Variants in IQSEC1 observed in about 807,000 individuals in gnomAD.
IQSEC1 encodes IQ motif and SEC7 domain-containing protein 1.
IQSEC1 carries 31 observed loss-of-function variants against 91.0 expected under a neutral mutation model. The ratio of observed to expected loss-of-function variants is 0.34; its 90% CI spans 0.26 to 0.46. The LOEUF is 0.46. Ranked by LOEUF, IQSEC1 falls within the 20% of genes least tolerant of loss-of-function variation. IQSEC1 has a pLI of 1.00. For missense variants in IQSEC1, 1,388 were observed against 1,575.6 expected (o/e 0.88, Z 2.02); for synonymous variants, 699 against 662.6 (o/e 1.05, Z -0.84).
At chr3:13,096,225 C>T (rs562242587) in intron 2 of IQSEC1, among the ~76,000 whole-genome samples, 18 of 152,324 alleles carry the variant, frequency 1.2e-4, no homozygotes, top group Non-Finnish European at 2.4e-4. Context: ...CAAGATCTGA[C>T]CTGGGCAGTG....
chr3:13,255,222 G>A (rs1695265327), intron 1 of IQSEC1, among the ~76,000 whole-genome samples: 1 of 152,226 alleles, frequency 6.6e-6, no homozygotes, highest in South Asian at 2.1e-4. Flanking sequence ...GGGAGCCACT[G>A]CCTCTCTCCC....
At chr3:13,235,657 T>C (rs1408432792) in intron 1 of IQSEC1, among the ~76,000 whole-genome samples, 1 of 152,110 alleles carries the variant, frequency 6.6e-6, no homozygotes, top group Non-Finnish European at 1.5e-5. Context: ...GGACCCCAGG[T>C]GGCCCGGGCG....
chr3:13,036,088 T>C (rs941798616), intron 1 of IQSEC1, among the ~76,000 whole-genome samples: 2 of 152,224 alleles, frequency 1.3e-5, no homozygotes, highest in African/African-American at 4.8e-5. Flanking sequence ...TGACATTGAG[T>C]AGAGCAGGCT....
At chr3:13,091,119 C>A (rs9826491) in intron 2 of IQSEC1, among the ~76,000 whole-genome samples, 114,787 of 152,086 alleles carry the variant, frequency 0.75, 43,600 homozygotes, top group East Asian at 0.89. Context: ...CTCGTCACTC[C>A]GGTCTTGACT....
Position 12,900,828 on chromosome 3 carries a change from C to G in IQSEC1, c.*155G>C. ...GCCTTTGTTCCACACAACACCAGCC[C>G]TGTGGGCTCCTGGGGCTCCGGTTGG... On this transcript the variant is annotated 3_prime_UTR_variant, in exon 14 of 14. Transcript: ENST00000613206. The G allele has an allele frequency of 6.6e-7, 1 of 1,507,994 alleles. No homozygotes were observed. The highest frequency in any genetic ancestry group is 8.8e-7 in the Non-Finnish European group (1 of 1,133,558). The allele number at this position is 1,507,994 out of a possible 1,614,324, so 93.4% of individuals were successfully genotyped here.
chr3:12,964,389 T>A (rs947569084), intron 1 of IQSEC1, among the ~76,000 whole-genome samples: 9 of 151,984 alleles, frequency 5.9e-5, no homozygotes, highest in African/African-American at 2.2e-4. Context: ...GGGCTGTGCA[T>A]CATCTTGCCC....
chr3:13,218,868 G>C (rs141475530), intron 1 of IQSEC1, among the ~76,000 whole-genome samples: 1 of 152,066 alleles, frequency 6.6e-6, no homozygotes, highest in East Asian at 1.9e-4. Flanking sequence ...GGGCAGCCCC[G>C]GCCGCCACCT....
intron 12 of IQSEC1, among the ~76,000 whole-genome samples, chr3:12,907,682 G>A (rs773903278): frequency 2.6e-5 from 4 of 152,318 alleles, no homozygotes; most frequent in South Asian, 2.1e-4. Context: ...TGCTGCTCCC[G>A]GTGCCCCACT....
chr3:12,953,700 C>G (rs1253787669), intron 1 of IQSEC1, among the ~76,000 whole-genome samples: 9 of 152,200 alleles, frequency 5.9e-5, no homozygotes, highest in Admixed American at 5.9e-4. Flanking sequence ...TGCAGTTTTT[C>G]GCACTGCCCC....
At chr3:13,161,477 G>A (rs975398326) in intron 2 of IQSEC1, among the ~76,000 whole-genome samples, 2 of 152,308 alleles carry the variant, frequency 1.3e-5, no homozygotes, top group African/African-American at 4.8e-5. Context: ...CCAGAGGGTG[G>A]GGGCAGGGTA....
chr3:12,906,142 T>C (rs10865712), intron 12 of IQSEC1, among the ~76,000 whole-genome samples: 6,933 of 152,262 alleles, frequency 0.046, 483 homozygotes, highest in African/African-American at 0.15. Flanking sequence ...TATGTCCTCC[T>C]TTGGATGGAT....
At chr3:12,977,215 GCA>G (rs1004391580) in intron 1 of IQSEC1, among the ~76,000 whole-genome samples, 1 of 152,204 alleles carries the variant, frequency 6.6e-6, no homozygotes, top group Non-Finnish European at 1.5e-5. Flanking sequence ...GGGTGTGGTG[GCA>G]CATGCCTGTG....
intron 1 of IQSEC1, among the ~76,000 whole-genome samples, chr3:13,020,173 G>A (rs1295913201): frequency 6.6e-6 from 1 of 152,208 alleles, no homozygotes; most frequent in East Asian, 1.9e-4. Flanking sequence ...CACACGGAGA[G>A]CTCACCAAAG....
chr3:13,100,203 G>A (rs1706033591), intron 2 of IQSEC1, among the ~76,000 whole-genome samples: 1 of 147,902 alleles, frequency 6.8e-6, no homozygotes. Context: ...ACAGGGAGTT[G>A]GGGGGTGTGG....
chr3:13,109,429 C>G (rs898333827), intron 2 of IQSEC1, among the ~76,000 whole-genome samples: 1 of 152,178 alleles, frequency 6.6e-6, no homozygotes. Flanking sequence ...CTGCCACTCC[C>G]CGGGTCCAAA....
intron 2 of IQSEC1, among the ~76,000 whole-genome samples, chr3:13,160,228 C>T (rs1707152401): frequency 6.6e-6 from 1 of 152,182 alleles, no homozygotes; most frequent in South Asian, 2.1e-4. Flanking sequence ...CAACTCCGAT[C>T]ATTTGAGTCT....
chr3:13,043,105 G>A (rs1704349198), intron 1 of IQSEC1, among the ~76,000 whole-genome samples: 2 of 152,142 alleles, frequency 1.3e-5, no homozygotes, highest in Admixed American at 6.5e-5. Flanking sequence ...AAATGGAACC[G>A]CTATGACAGC....
At chr3:13,026,865 T>C (rs168632) in intron 1 of IQSEC1, among the ~76,000 whole-genome samples, 74,052 of 107,030 alleles carry the variant, frequency 0.69, 23,367 homozygotes, top group South Asian at 0.86. Flanking sequence ...ATCTCCCCAG[T>C]TTTTTTTTTT....
intron 1 of IQSEC1, among the ~76,000 whole-genome samples, chr3:13,254,823 G>T (rs531603920): frequency 1.2e-3 from 186 of 152,308 alleles, no homozygotes; most frequent in African/African-American, 4.2e-3. Flanking sequence ...CCCCACATTA[G>T]AGATGAGGAA....
Sources: allele counts gnomAD v4.1 joint callset (sites outside exome capture counted in the v4.1 genomes callset), GRCh38; gene constraint gnomAD v4.1.1; transcripts MANE v1.5; gene names NCBI Gene and HGNC (gene_info 2026-07-23, HGNC 2026-07-21).